MAP3K1: variants seen among roughly 807,000 people sequenced by gnomAD.
The protein encoded by MAP3K1 is MAP/ERK kinase kinase 1.
MAP3K1 carries 36 observed loss-of-function variants against 144.2 expected under a neutral mutation model. That is an observed-to-expected ratio of 0.25 (90% CI 0.19 to 0.33). The LOEUF (loss-of-function observed/expected upper bound fraction) is 0.33, where lower values mean the gene tolerates loss of function less well. Among genes scored for constraint, MAP3K1 ranks in the 10% least tolerant of loss-of-function variants. MAP3K1 has a pLI of 1.00. For synonymous variants in MAP3K1, 718 were observed against 688.7 expected, an observed-to-expected ratio of 1.04 and a Z score of -0.67; for missense variants, 1,650 against 1,881.9, an observed-to-expected ratio of 0.88 and a Z score of 2.28.
intron 3 of MAP3K1, 111 bp downstream of exon 3, chr5:56,860,026 C>A: frequency 1.0e-6 from 1 of 963,692 alleles, no homozygotes; most frequent in Non-Finnish European, 1.6e-6. Context: ...AAAATATGAT[C>A]TGCAGACCCC....
chr5:56,886,849 T>G (rs1748393041), intron 17 of MAP3K1, among the ~76,000 whole-genome samples: 1 of 152,156 alleles, frequency 6.6e-6, no homozygotes. Flanking sequence ...GTAACTCATT[T>G]CCTGGGCTCA....
chr5:56,818,807 T>C (rs1029505795), intron 1 of MAP3K1, among the ~76,000 whole-genome samples: 3 of 152,212 alleles, frequency 2.0e-5, no homozygotes, highest in African/African-American at 7.2e-5. Context: ...GAACAAGATA[T>C]GCTGTACTTG....
chr5:56,848,924 G>A (rs1747080533), intron 1 of MAP3K1, among the ~76,000 whole-genome samples: 1 of 152,174 alleles, frequency 6.6e-6, no homozygotes, highest in African/African-American at 2.4e-5. Context: ...TGGTTAATCA[G>A]AACATGAGCT....
At chr5:56,855,104 C>T (rs542860561) in intron 1 of MAP3K1, among the ~76,000 whole-genome samples, 2 of 151,962 alleles carry the variant, frequency 1.3e-5, no homozygotes, top group East Asian at 1.9e-4. Flanking sequence ...TCTTTCTCTG[C>T]CTTCCTCTCC....
intron 2 of MAP3K1, 102 bp from the exon 3 acceptor site, chr5:56,859,613 C>T (rs1561184841): frequency 1.2e-6 from 1 of 810,984 alleles, no homozygotes; most frequent in Non-Finnish European, 2.0e-6. Flanking sequence ...TATAATATTT[C>T]ATAACAAAAA....
chr5:56,869,029 C>A (rs989182166), intron 6 of MAP3K1, among the ~76,000 whole-genome samples: 1 of 151,610 alleles, frequency 6.6e-6, no homozygotes, highest in Non-Finnish European at 1.5e-5. Context: ...GTAGAATGAG[C>A]CTAGGTGGGA....
At position 56,865,938 on chromosome 5, in the gene MAP3K1, T is replaced by C. The variant is rs1379992686; in HGVS notation, c.1262T>C (p.Leu421Ser). Reference sequence around the variant, plus strand: ...TCACGCATGTCAAATTCTCATACATTGTCATCATCTAGTACTTCTACGTCT... The same window carrying C: ...TCACGCATGTCAAATTCTCATACATCGTCATCATCTAGTACTTCTACGTCT... ...FVSRMSNSHTLSSSSTSTSSS... is the reference protein window; with the variant it reads ...FVSRMSNSHTSSSSSTSTSSS... Residue 421 changes from leucine (L) to serine (S), a missense_variant, in exon 6 of 20, where the codon TTG becomes TCG. Leu to Ser is a moderately radical substitution (Grantham distance 145, BLOSUM62 -2). Coordinates refer to ENST00000399503, the MANE Select transcript of MAP3K1 (RefSeq NM_005921.2). 1.5e-5 allele frequency: 24 copies of C among 1,612,498 alleles called. No individual in the cohort carries two copies. The Admixed American group carries it at 4.0e-4, about 27-fold the overall frequency.
chr5:56,888,196 T>C, intron 18 of MAP3K1, 30 bp from the exon 19 acceptor site: 1 of 1,608,718 alleles, frequency 6.2e-7, no homozygotes, highest in Non-Finnish European at 8.5e-7. Context: ...AAATGAGTCC[T>C]ATTTCCAAAT....
intron 18 of MAP3K1, 54 bp downstream of exon 18, chr5:56,887,574 C>G (rs778272633): frequency 1.1e-5 from 18 of 1,580,934 alleles, no homozygotes; most frequent in Non-Finnish European, 1.6e-5. Context: ...TTCTGTGTAA[C>G]AGCATTATAC....
chr5:56,866,631 T>C (rs1233050389), intron 6 of MAP3K1, among the ~76,000 whole-genome samples: 2 of 152,184 alleles, frequency 1.3e-5, no homozygotes. Context: ...CCTTCTATGT[T>C]ATTCCCGAAG....
chr5:56,820,893 A>T (rs1581203494), intron 1 of MAP3K1: 4 of 608,140 alleles, frequency 6.6e-6, no homozygotes, highest in Non-Finnish European at 8.2e-6. Flanking sequence ...AGGGGATACA[A>T]CATATTAGTT....
intron 6 of MAP3K1, 22 bp from the exon 7 acceptor site, chr5:56,871,888 T>C (rs2111911184): frequency 1.2e-6 from 2 of 1,612,102 alleles, no homozygotes; most frequent in Non-Finnish European, 1.7e-6. Flanking sequence ...TGCTTAATAC[T>C]TTTTCTTCCC....
intron 1 of MAP3K1, chr5:56,851,877 T>C (rs1186942500): frequency 1.3e-5 from 2 of 152,210 alleles, no homozygotes; most frequent in Non-Finnish European, 2.9e-5. Flanking sequence ...CTGGGCAGTG[T>C]GATAGAACAA....
chr5:56,869,876 T>C (rs997337433), intron 6 of MAP3K1, among the ~76,000 whole-genome samples: 2 of 152,168 alleles, frequency 1.3e-5, no homozygotes, highest in African/African-American at 4.8e-5. Flanking sequence ...CTTGACAGTT[T>C]TTCCCCATCC....
In MAP3K1 at chr5:56,851,595, A is replaced by G. The variant is rs6888101; in HGVS notation, c.483-5005A>G. On this transcript the variant is annotated intron_variant, in intron 1 of 19. Transcript: ENST00000399503. ...CCCTTATTTCTGTCTCAGTGTTTCTACTTATTACCTTGCTCTGTTTCCGTG... is the reference window on the plus strand; with the variant it reads ...CCCTTATTTCTGTCTCAGTGTTTCTGCTTATTACCTTGCTCTGTTTCCGTG... 7.3e-3 allele frequency among the ~76,000 whole-genome samples: 1,105 copies of G among 152,084 alleles called. 16 individuals are homozygous for G. Among genetic ancestry groups the G allele is most frequent in the African/African-American group, 0.024 (982 of 41,456 alleles).
chr5:56,865,347 G>A lies in MAP3K1; in HGVS notation c.1043G>A (p.Ser348Asn). The A allele has an allele frequency of 6.3e-7, 1 of 1,595,708 alleles. No individual in the cohort carries two copies. Among genetic ancestry groups the A allele is most frequent in the Non-Finnish European group, 8.6e-7 (1 of 1,163,368 alleles). Residue 348 changes from serine to asparagine, a missense_variant, in exon 5 of 20, where the codon AGC (serine) becomes AAC (asparagine). Around this residue, in one of 6 missense-constraint regions of MAP3K1, gnomAD observed 125 missense variants for 179.9 expected, o/e 0.69. Coordinates refer to ENST00000399503, the MANE Select transcript of MAP3K1 (RefSeq NM_005921.2). ...YRVFIGPQNC[S>N]CARGTFCIHL... The stretch of plus-strand genomic sequence containing the variant: ...TTCTTTTTAACTCTTTAGAACTGCA[G>A]CTGTGCACGTGGAACATTCTGTATT...
intron 9 of MAP3K1, among the ~76,000 whole-genome samples, chr5:56,874,501 G>GT (rs1466908837): frequency 3.3e-5 from 5 of 152,244 alleles, no homozygotes; most frequent in African/African-American, 7.2e-5. Context: ...GTTTTGTCTA[G>GT]TTTTTTAAAC....
chr5:56,850,054 T>C (rs1484732252), intron 1 of MAP3K1, among the ~76,000 whole-genome samples: 1 of 152,222 alleles, frequency 6.6e-6, no homozygotes, highest in African/African-American at 2.4e-5. Context: ...ATTGTCAGCC[T>C]TTCTGTTTCA....
chr5:56,854,356 C>G (rs1481059028), intron 1 of MAP3K1, among the ~76,000 whole-genome samples: 1 of 135,868 alleles, frequency 7.4e-6, no homozygotes, highest in Non-Finnish European at 1.5e-5. Flanking sequence ...TCACTTGAAC[C>G]TGGGAGGCGG....
Sources: allele counts gnomAD v4.1 joint callset (sites outside exome capture counted in the v4.1 genomes callset), GRCh38; gene constraint gnomAD v4.1.1; regional missense constraint gnomAD v4.1.1; transcripts MANE v1.5; gene names NCBI Gene and HGNC (gene_info 2026-07-23, HGNC 2026-07-21).